Variants in DGAT1 observed in about 807,000 individuals in gnomAD.
The protein encoded by DGAT1 is ACAT related gene product 1.
DGAT1 carries 60 observed loss-of-function variants against 72.6 expected under a neutral mutation model. That is an observed-to-expected ratio of 0.83 (90% CI 0.67 to 1.02). The LOEUF (loss-of-function observed/expected upper bound fraction) is 1.02, where lower values mean the gene tolerates loss of function less well. Ranked by LOEUF, DGAT1 falls within the 50% of genes least tolerant of loss-of-function variation. DGAT1 has a pLI of 0.00. For synonymous variants in DGAT1, 290 were observed against 267.5 expected, an observed-to-expected ratio of 1.08 and a Z score of -0.82; for missense variants, 592 against 670.0, an observed-to-expected ratio of 0.88 and a Z score of 1.29.
chr8:144,317,060 T>C lies in DGAT1; in HGVS notation c.1210A>G (p.Arg404Gly), dbSNP rs782323808. 3 of 1,612,798 alleles carry C rather than the reference T, an allele frequency of 1.9e-6. No homozygotes were observed. Among genetic ancestry groups the C allele is most frequent in the Non-Finnish European group, 1.7e-6 (2 of 1,179,924 alleles). ...LRRGSSKWMARTGVFLASAFF... is the reference protein window; with the variant it reads ...LRRGSSKWMAGTGVFLASAFF... ...GCCGAGGCCAGGAACACCCCTGTCC[T>C]GGCCATCCACTTGCTGCTGCCCCGT... Residue 404 changes from arginine to glycine, a missense_variant, in exon 15 of 17, where the codon AGG becomes GGG. Arg to Gly is a moderately radical substitution (Grantham distance 125). Transcript: ENST00000528718.
Position 144,315,042 on chromosome 8 carries a change from C to T in DGAT1, c.*1512G>A, listed in dbSNP as rs893361474. 2.0e-6 allele frequency: 2 copies of T among 985,582 alleles called. No homozygotes were observed. Among genetic ancestry groups the T allele is most frequent in the Middle Eastern group, 5.2e-4 (1 of 1,914 alleles). 61.1% of individuals were successfully genotyped at this position (985,582 alleles called of 1,614,324 possible). On this transcript the variant is annotated 3_prime_UTR_variant, in exon 17 of 17. Coordinates refer to ENST00000528718, the MANE Select transcript of DGAT1 (RefSeq NM_012079.6). ...ACTGTCTTTCTGCCAGAGCCAGCACCCTGTGTAGGCACGGGGAACGGGAGC... is the reference window on the plus strand; with the variant it reads ...ACTGTCTTTCTGCCAGAGCCAGCACTCTGTGTAGGCACGGGGAACGGGAGC...
Position 144,318,303 on chromosome 8 carries a change from G to A in DGAT1, c.634C>T (p.Arg212Cys), listed in dbSNP as rs150434452. ...TILFLKLFSY[R>C]DVNSWCRRAR... ...CTGCGGCACCATGAGTTGACGTCGC[G>A]GTAGGAGAAGAGCTTGAGGAAGAGG... is the stretch of plus-strand genomic sequence containing the variant. Residue 212 changes from arginine to cysteine, a missense_variant, in exon 7 of 17, where the codon CGC (arginine) becomes TGC (cysteine). Coordinates refer to ENST00000528718, the MANE Select transcript of DGAT1 (RefSeq NM_012079.6). 140 of 1,612,722 alleles carry A rather than the reference G, an allele frequency of 8.7e-5. No individual in the cohort carries two copies. The African/African-American group carries it at 1.3e-3, about 15-fold the overall frequency.
chr8:144,317,059 C>T lies in DGAT1; in HGVS notation c.1211G>A (p.Arg404Lys). 1.2e-6 allele frequency: 2 copies of T among 1,612,812 alleles called. No individual in the cohort carries two copies. The highest frequency in any genetic ancestry group is 1.7e-6 in the Non-Finnish European group (2 of 1,179,934). Residue 404 changes from arginine (R) to lysine (K), a missense_variant, in exon 15 of 17, where the codon AGG becomes AAG. Physicochemically the swap from Arg to Lys is conservative, Grantham distance 26. Transcript: ENST00000528718. ...LRRGSSKWMA[R>K]TGVFLASAFF... Reference sequence around the variant, plus strand: ...GGCCGAGGCCAGGAACACCCCTGTCCTGGCCATCCACTTGCTGCTGCCCCG... The same window carrying T: ...GGCCGAGGCCAGGAACACCCCTGTCTTGGCCATCCACTTGCTGCTGCCCCG...
At chr8:144,319,201 C>A in intron 2 of DGAT1, 133 bp from the exon 3 acceptor site, 1 of 989,374 alleles carries the variant, frequency 1.0e-6, no homozygotes, top group South Asian at 1.4e-5. Flanking sequence ...CAGACCCAGC[C>A]CTGTCTGGTC....
chr8:144,315,078 G>A lies in DGAT1; in HGVS notation c.*1476C>T. The A allele has an allele frequency of 7.1e-6, 7 of 985,418 alleles. No individual in the cohort carries two copies. The highest frequency in any genetic ancestry group is 8.4e-6 in the Non-Finnish European group (7 of 829,972). 61.0% of individuals were successfully genotyped at this position (985,418 alleles called of 1,614,324 possible). On this transcript the variant is annotated 3_prime_UTR_variant, in exon 17 of 17. Coordinates refer to ENST00000528718, the MANE Select transcript of DGAT1 (RefSeq NM_012079.6). ...ACGGGGAACGGGAGCCTGTCCCGTA[G>A]CTTTAGGGTTCTCCACTCAGCCTGG...
At position 144,317,772 on chromosome 8, in the gene DGAT1, T is replaced by TACCCC; in HGVS notation, c.894+7_894+11dup. ...TGCCCAGCTACACCCAACCCTGCCC[T>TACCCC]ACCCCACTTACCTGCTGGATCAGCC... is the stretch of plus-strand genomic sequence containing the variant. On this transcript the variant is annotated intron_variant, in intron 10 of 16. Coordinates refer to ENST00000528718, the MANE Select transcript of DGAT1 (RefSeq NM_012079.6). 1 of 1,613,242 alleles carries TACCCC rather than the reference T, an allele frequency of 6.2e-7. No homozygotes were observed. The highest frequency in any genetic ancestry group is 8.5e-7 in the Non-Finnish European group (1 of 1,179,720).
chr8:144,326,464 C>T lies in DGAT1; in HGVS notation c.173G>A (p.Gly58Asp). The T allele has an allele frequency of 7.4e-7, 1 of 1,347,246 alleles. No homozygotes were observed. Among genetic ancestry groups the T allele is most frequent in the Non-Finnish European group, 9.6e-7 (1 of 1,040,148 alleles). The allele number at this position is 1,347,246 out of a possible 1,614,324, so 83.5% of individuals were successfully genotyped here. A position where few individuals can be genotyped will look rare whatever the true frequency, so the allele number is the denominator to read the frequency against. The change falls in exon 1 of 17, where the codon GGC becomes GAC. Residue 58 changes from glycine (G) to aspartate (D), a missense_variant. Gly to Asp is a moderately conservative substitution (Grantham distance 94). Coordinates refer to ENST00000528718, the MANE Select transcript of DGAT1 (RefSeq NM_012079.6). ...APAPNKDGDA[G>D]VGSGHWELRC... The stretch of plus-strand genomic sequence containing the variant: ...CAGCTCCCAGTGGCCGCTGCCCACG[C>T]CGGCGTCTCCGTCCTTGTTGGGGGC...
At position 144,318,032 on chromosome 8, in the gene DGAT1, G is replaced by C. The variant is rs782535361; in HGVS notation, c.752-15C>G. On this transcript the variant is annotated splice_polypyrimidine_tract_variant and intron_variant, in intron 8 of 16. Transcript: ENST00000528718. ...GTAGTAGAGATCTGGAATGGGAATG[G>C]GGGGTTGGTACCAGAACAGGCCCAG... The C allele has an allele frequency of 6.6e-7, 1 of 1,517,178 alleles. No homozygotes were observed. Among genetic ancestry groups the C allele is most frequent in the Non-Finnish European group, 8.8e-7 (1 of 1,134,194 alleles). 94.0% of individuals were successfully genotyped at this position (1,517,178 alleles called of 1,614,324 possible).
In DGAT1 at chr8:144,318,284, C is replaced by A. The variant is rs781947496; in HGVS notation, c.653G>T (p.Cys218Phe). 6.2e-7 allele frequency: 1 copy of A among 1,612,846 alleles called. No homozygotes were observed. The highest frequency in any genetic ancestry group is 8.5e-7 in the Non-Finnish European group (1 of 1,179,898). The change falls in exon 7 of 17, where the codon TGC becomes TTC. Residue 218 changes from cysteine (C) to phenylalanine (F), a missense_variant. Transcript: ENST00000528718. ...LFSYRDVNSW[C>F]RRARAKAASA... ...ACCAGCCTTGGCCCTGGCCCTGCGGCACCATGAGTTGACGTCGCGGTAGGA... is the reference window on the plus strand; with the variant it reads ...ACCAGCCTTGGCCCTGGCCCTGCGGAACCATGAGTTGACGTCGCGGTAGGA...
chr8:144,319,014 G>C lies in DGAT1; in HGVS notation c.329+14C>G. 1 of 1,558,888 alleles carries C rather than the reference G, an allele frequency of 6.4e-7. No individual in the cohort carries two copies. The highest frequency in any genetic ancestry group is 1.2e-5 in the South Asian group (1 of 84,612). Reference sequence around the variant, plus strand: ...ATGGGTGGGGCAGGGGTGGGACCTGGCAAAGGCACTCACTTGATGAGGTTC... The same window carrying C: ...ATGGGTGGGGCAGGGGTGGGACCTGCCAAAGGCACTCACTTGATGAGGTTC... On this transcript the variant is annotated intron_variant, in intron 3 of 16. Coordinates refer to ENST00000528718, the MANE Select transcript of DGAT1 (RefSeq NM_012079.6).
Position 144,315,877 on chromosome 8 carries a change from C to T in DGAT1, c.*677G>A, listed in dbSNP as rs566571440. On this transcript the variant is annotated 3_prime_UTR_variant, in exon 17 of 17. Transcript: ENST00000528718. ...ATAGCCATTGTGTACCGTAGCCCCTCGGCTCACCAGACCCACACCAGAAAG... is the reference window on the plus strand; with the variant it reads ...ATAGCCATTGTGTACCGTAGCCCCTTGGCTCACCAGACCCACACCAGAAAG... 3.4e-5 allele frequency: 34 copies of T among 985,704 alleles called. No homozygotes were observed. The South Asian group carries it at 6.6e-4, about 19-fold the overall frequency. 61.1% of individuals were successfully genotyped at this position (985,704 alleles called of 1,614,324 possible).
At chr8:144,321,044 C>T (rs1024014011) in intron 2 of DGAT1, among the ~76,000 whole-genome samples, 8 of 152,190 alleles carry the variant, frequency 5.3e-5, no homozygotes, top group African/African-American at 1.9e-4. Flanking sequence ...CACGCCCACA[C>T]CACATCTGCA....
At position 144,316,295 on chromosome 8, in the gene DGAT1, T is replaced by C. The variant is rs1192847519; in HGVS notation, c.*259A>G. ...GCCCCTGGCAGGCTGAAGAGGTCAC[T>C]GGACAGCACTTTATTGACACCCTCG... On this transcript the variant is annotated 3_prime_UTR_variant, in exon 17 of 17. Transcript: ENST00000528718. The C allele has an allele frequency of 8.0e-6, 4 of 498,280 alleles. No individual in the cohort carries two copies. Among genetic ancestry groups the C allele is most frequent in the Non-Finnish European group, 1.4e-5 (4 of 281,400 alleles). 30.9% of individuals were successfully genotyped at this position (498,280 alleles called of 1,614,324 possible). A position where few individuals can be genotyped will look rare whatever the true frequency, so the allele number is the denominator to read the frequency against.
rs782022899 is a variant in DGAT1, at chr8:144,316,559, C to T, written c.1462G>A (p.Ala488Thr). The change falls in exon 17 of 17, where the codon GCC (alanine) becomes ACC (threonine). Residue 488 changes from alanine (A) to threonine (T), a missense_variant. By Grantham distance (58) the Ala-to-Thr change is moderately conservative. Transcript: ENST00000528718. ...GCCAGGCCCTCAGGTGCAGCTCAGG[C>T]CTCTGCCGCTGGGGCCTCATAGTTG... Reference protein sequence around the residue: ...VLNYEAPAAEA With the variant: ...VLNYEAPAAET The T allele has an allele frequency of 1.9e-6, 3 of 1,592,440 alleles. No individual in the cohort carries two copies.
intron 5 of DGAT1, 34 bp downstream of exon 5, chr8:144,318,665 G>T: frequency 6.2e-7 from 1 of 1,607,884 alleles, no homozygotes; most frequent in Non-Finnish European, 8.5e-7. Context: ...ACACAGCAGG[G>T]TGAGCACACA....
Position 144,318,173 on chromosome 8 carries a change from C to T in DGAT1, c.677-4G>A, listed in dbSNP as rs200950681. The T allele has an allele frequency of 7.8e-3, 12,457 of 1,603,776 alleles. 60 individuals carry two copies. Among genetic ancestry groups the T allele is most frequent in the Non-Finnish European group, 9.3e-3 (10,910 of 1,174,150 alleles). On this transcript the variant is annotated splice_region_variant and splice_polypyrimidine_tract_variant and intron_variant, in intron 7 of 16. Transcript: ENST00000528718. ...CTGGCCTTCTTCCCTGCAGAGGCTA[C>T]GAGCACAGCAGAGTGGGAGGGGGCT...
At position 144,318,126 on chromosome 8, in the gene DGAT1, GGTGTGC is replaced by G; in HGVS notation, c.714_719del (p.His239_Thr240del). ...AGGTCAGATTGTCCGGGTAGCTCAC[GGTGTGC>G]GGGGCAGCAGCACTGCTGGCCTTCT... On this transcript the variant is annotated inframe_deletion, in exon 8 of 17. Coordinates refer to ENST00000528718, the MANE Select transcript of DGAT1 (RefSeq NM_012079.6). 6.5e-7 allele frequency: 1 copy of G among 1,546,670 alleles called. No homozygotes were observed. The highest frequency in any genetic ancestry group is 8.7e-7 in the Non-Finnish European group (1 of 1,146,578).
At chr8:144,324,350 T>TGCGCTAGAGGCCAAGTCCCAGGAGGGC (rs1817540249) in intron 1 of DGAT1, among the ~76,000 whole-genome samples, 1 of 151,500 alleles carries the variant, frequency 6.6e-6, no homozygotes, top group Non-Finnish European at 1.5e-5. Context: ...GACAAGGGGG[T>TGCGCTAGAGGCCAAGTCCCAGGAGGGC]GCGCTAGAGG....
intron 6 of DGAT1, 24 bp downstream of exon 6, chr8:144,318,437 G>T (rs782014770): frequency 1.2e-6 from 2 of 1,609,992 alleles, no homozygotes; most frequent in Non-Finnish European, 1.7e-6. Context: ...CGAGACAGAT[G>T]GGCAGGGTGG....
Sources: allele counts gnomAD v4.1 joint callset (sites outside exome capture counted in the v4.1 genomes callset), GRCh38; gene constraint gnomAD v4.1.1; transcripts MANE v1.5; gene names NCBI Gene and HGNC (gene_info 2026-07-23, HGNC 2026-07-21).